MCOLN2: variants seen among roughly 807,000 people sequenced by gnomAD.
MCOLN2 encodes the protein mucolipin TRP cation channel 2, also known as mucolipin-2.
A neutral mutation model predicts 67.5 loss-of-function variants in MCOLN2; 57 were observed. The ratio of observed to expected loss-of-function variants is 0.84; its 90% CI spans 0.68 to 1.05. MCOLN2 has a LOEUF of 1.05. MCOLN2 is among the 50% of genes least tolerant of loss of function. The probability of loss-of-function intolerance (pLI) is 0.00; values close to 1 mark genes in which losing one functional copy is unlikely to be tolerated. For synonymous variants in MCOLN2, 246 were observed against 233.3 expected (o/e 1.05, Z -0.50); for missense variants, 620 against 678.8 (o/e 0.91, Z 0.96).
In MCOLN2 at chr1:84,955,262, T is replaced by C. The variant is rs1440385528; in HGVS notation, c.565+1169A>G. On this transcript the variant is annotated intron_variant, in intron 4 of 13. Transcript: ENST00000370608. Reference sequence around the variant, plus strand: ...GTAAGTCAATTAAACCTCTTTCCTTTATAAATTATTGCGTATGTCTTTATT... The same window carrying C: ...GTAAGTCAATTAAACCTCTTTCCTTCATAAATTATTGCGTATGTCTTTATT... 2.0e-5 allele frequency among the ~76,000 whole-genome samples: 3 copies of C among 152,196 alleles called. No individual in the cohort carries two copies. In the South Asian group the frequency reaches 6.2e-4, roughly 32 times the overall value.
chr1:84,939,191 T>C (rs1050400838), intron 9 of MCOLN2, among the ~76,000 whole-genome samples: 2 of 152,146 alleles, frequency 1.3e-5, no homozygotes, highest in Non-Finnish European at 2.9e-5. Context: ...CCTCACCCCA[T>C]CCGTCGGAGC....
At chr1:84,992,141 A>G (rs904935179) in intron 1 of MCOLN2, among the ~76,000 whole-genome samples, 1 of 152,256 alleles carries the variant, frequency 6.6e-6, no homozygotes, top group Non-Finnish European at 1.5e-5. Flanking sequence ...TGTAGTTGGC[A>G]TAAGTAGTAC....
At chr1:84,970,085 T>TG (rs1451035201) in intron 1 of MCOLN2, among the ~76,000 whole-genome samples, 3 of 152,250 alleles carry the variant, frequency 2.0e-5, no homozygotes, top group African/African-American at 4.8e-5. Flanking sequence ...GTGGGCATGT[T>TG]TCAGCAATAC....
At chr1:84,969,029 G>A (rs896220041) in intron 1 of MCOLN2, among the ~76,000 whole-genome samples, 8 of 152,178 alleles carry the variant, frequency 5.3e-5, no homozygotes, top group African/African-American at 1.7e-4. Flanking sequence ...AAAGGCCCAA[G>A]AGGACAGGGT....
At chr1:84,995,425 A>G (rs2102898728) in intron 1 of MCOLN2, among the ~76,000 whole-genome samples, 1 of 152,324 alleles carries the variant, frequency 6.6e-6, no homozygotes, top group South Asian at 2.1e-4. Flanking sequence ...TGAACCCCTT[A>G]ACATGTGACA....
intron 1 of MCOLN2, among the ~76,000 whole-genome samples, chr1:84,993,616 T>TAA (rs33976700): frequency 0.54 from 78,472 of 144,460 alleles, 21,914 homozygotes; most frequent in African/African-American, 0.58. Context: ...TCTTAAATAA[T>TAA]GTCTTTTTTT....
chr1:84,930,730 C>T (rs956879951), intron 12 of MCOLN2, among the ~76,000 whole-genome samples: 4 of 152,144 alleles, frequency 2.6e-5, no homozygotes, highest in African/African-American at 4.8e-5. Flanking sequence ...TGGCATGGCA[C>T]CCCTGGTTTT....
intron 1 of MCOLN2, among the ~76,000 whole-genome samples, chr1:84,981,897 C>T (rs1325741076): frequency 6.6e-6 from 1 of 152,028 alleles, no homozygotes; most frequent in African/African-American, 2.4e-5. Context: ...GCATTACATG[C>T]CTGTATCAAA....
At chr1:84,994,291 T>C (rs2102897515) in intron 1 of MCOLN2, among the ~76,000 whole-genome samples, 1 of 152,328 alleles carries the variant, frequency 6.6e-6, no homozygotes, top group East Asian at 1.9e-4. Context: ...TCACCAGCTG[T>C]ACTAGTTCCT....
At chr1:84,965,458 C>T in intron 2 of MCOLN2, 91 bp downstream of exon 2, 1 of 1,389,636 alleles carries the variant, frequency 7.2e-7, no homozygotes, top group Non-Finnish European at 9.8e-7. Flanking sequence ...TGAGTGTGGG[C>T]TTTTCAGAAC....
chr1:84,986,419 T>C (rs1650507605), intron 1 of MCOLN2, among the ~76,000 whole-genome samples: 1 of 151,806 alleles, frequency 6.6e-6, no homozygotes, highest in Non-Finnish European at 1.5e-5. Flanking sequence ...GGCGCATGCC[T>C]ATAATCCCAG....
At chr1:84,935,496 A>C (rs1003256388) in intron 11 of MCOLN2, among the ~76,000 whole-genome samples, 3 of 152,250 alleles carry the variant, frequency 2.0e-5, no homozygotes, top group South Asian at 2.1e-4. Context: ...TCCAATAGAT[A>C]GCTAGTCCAA....
chr1:84,983,681 T>C (rs929160982), intron 1 of MCOLN2, among the ~76,000 whole-genome samples: 43 of 150,026 alleles, frequency 2.9e-4, no homozygotes, highest in Admixed American at 2.6e-4. Context: ...AATTTCTTTT[T>C]TTTTTTTTTT....
intron 1 of MCOLN2, among the ~76,000 whole-genome samples, chr1:84,993,646 C>T (rs1222649563): frequency 3.2e-5 from 4 of 123,176 alleles, no homozygotes; most frequent in African/African-American, 1.3e-4. Context: ...TTTTTTGAGA[C>T]GGAGTCTCGC....
intron 13 of MCOLN2, 87 bp downstream of exon 13, chr1:84,929,471 G>T: frequency 7.2e-7 from 1 of 1,391,086 alleles, no homozygotes; most frequent in Non-Finnish European, 9.6e-7. Flanking sequence ...GCTGGTCTCT[G>T]AATGTAATGG....
At chr1:84,955,029 G>A (rs1395440907) in intron 4 of MCOLN2, among the ~76,000 whole-genome samples, 1 of 152,166 alleles carries the variant, frequency 6.6e-6, no homozygotes, top group African/African-American at 2.4e-5. Context: ...GACCCAGTAG[G>A]AGGTAATTAA....
At chr1:84,978,643 C>T (rs1230773691) in intron 1 of MCOLN2, among the ~76,000 whole-genome samples, 1 of 151,986 alleles carries the variant, frequency 6.6e-6, no homozygotes, top group Admixed American at 6.6e-5. Context: ...AAGATTGAAC[C>T]AGGATGAAAT....
At position 84,926,677 on chromosome 1, in the gene MCOLN2, G is replaced by C; in HGVS notation, c.*8C>G. 1 of 1,587,024 alleles carries C rather than the reference G, an allele frequency of 6.3e-7. No homozygotes were observed. The highest frequency in any genetic ancestry group is 8.6e-7 in the Non-Finnish European group (1 of 1,163,008). ...GATGCCTGAACTTTAATCATCTTTA[G>C]CAGAACTTTAGCTAATAGGTATCAA... On this transcript the variant is annotated 3_prime_UTR_variant, in exon 14 of 14. Transcript: ENST00000370608.
At chr1:84,988,366 T>A (rs927267773) in intron 1 of MCOLN2, among the ~76,000 whole-genome samples, 5 of 152,140 alleles carry the variant, frequency 3.3e-5, no homozygotes, top group African/African-American at 1.2e-4. Flanking sequence ...TGAGGATTTT[T>A]AAAATATTTC....
Sources: gnomAD v4.1 joint callset for allele counts (sites outside exome capture counted in the v4.1 genomes callset) on GRCh38, gnomAD v4.1.1 for gene constraint, MANE v1.5 for transcripts, NCBI Gene and HGNC (gene_info 2026-07-23, HGNC 2026-07-21) for gene names.